KCNH8: variants seen among roughly 807,000 people sequenced by gnomAD.
The protein encoded by KCNH8 is voltage-gated delayed rectifier potassium channel KCNH8.
A neutral mutation model predicts 103.6 loss-of-function variants in KCNH8; 70 were observed. The ratio of observed to expected loss-of-function variants is 0.68; its 90% CI spans 0.56 to 0.82. The LOEUF is 0.82. Among genes scored for constraint, KCNH8 ranks in the 40% least tolerant of loss-of-function variants. The pLI is 0.00. For synonymous variants in KCNH8, 498 were observed against 489.4 expected, an observed-to-expected ratio of 1.02 and a Z score of -0.23; for missense variants, 1,217 against 1,329.9, an observed-to-expected ratio of 0.92 and a Z score of 1.32.
chr3:19,170,677 C>CATATAT (rs2063334946), intron 1 of KCNH8, among the ~76,000 whole-genome samples: 1 of 144,048 alleles, frequency 6.9e-6, no homozygotes, highest in African/African-American at 2.7e-5. Context: ...TATATATACA[C>CATATAT]ACACACATAT....
intron 2 of KCNH8, among the ~76,000 whole-genome samples, chr3:19,277,595 C>T (rs1360730419): frequency 1.3e-5 from 2 of 152,000 alleles, no homozygotes; most frequent in Non-Finnish European, 2.9e-5. Flanking sequence ...GTATGTTTTA[C>T]CTCAATAAAA....
rs1559470242 is a variant in KCNH8 at position 19,308,765 on chromosome 3, TCTCC to T, written c.442+27444_442+27447del. 1.6e-3 allele frequency among the ~76,000 whole-genome samples: 138 copies of T among 86,990 alleles called. 25 individuals are homozygous for T. The highest frequency in any genetic ancestry group is 1.9e-3 in the African/African-American group (28 of 15,086). 57.1% of individuals were successfully genotyped at this position (86,990 alleles called of 152,430 possible). A position where few individuals can be genotyped will look rare whatever the true frequency, so the allele number is the denominator to read the frequency against. ...CTCTCCCTCTCTCCCTCTCTCCCTC[TCTCC>T]CTCCCTCTCTCTCTCTCCCTCTCTC... is the stretch of plus-strand genomic sequence containing the variant. On this transcript the variant is annotated intron_variant, in intron 3 of 15. Coordinates refer to ENST00000328405, the MANE Select transcript of KCNH8 (RefSeq NM_144633.3).
chr3:19,271,928 C>A (rs534992879), intron 2 of KCNH8, among the ~76,000 whole-genome samples: 3 of 152,012 alleles, frequency 2.0e-5, no homozygotes, highest in Non-Finnish European at 2.9e-5. Context: ...TTGTTCTGAT[C>A]ATCTTAAGCA....
chr3:19,473,161 T>A (rs1215069954), intron 11 of KCNH8, among the ~76,000 whole-genome samples: 1 of 152,188 alleles, frequency 6.6e-6, no homozygotes, highest in African/African-American at 2.4e-5. Context: ...CCTAATACAT[T>A]TGTCCACTAA....
At chr3:19,193,934 G>A (rs1236230930) in intron 1 of KCNH8, among the ~76,000 whole-genome samples, 1 of 151,674 alleles carries the variant, frequency 6.6e-6, no homozygotes, top group Non-Finnish European at 1.5e-5. Context: ...ATAAATATAA[G>A]TTGCTATTAT....
chr3:19,198,991 G>C (rs2063630106), intron 1 of KCNH8, among the ~76,000 whole-genome samples: 1 of 152,032 alleles, frequency 6.6e-6, no homozygotes, highest in African/African-American at 2.4e-5. Context: ...GGCGTCAGGT[G>C]AACAGATGAT....
At chr3:19,434,138 A>G (rs2067162286) in intron 7 of KCNH8, among the ~76,000 whole-genome samples, 1 of 152,200 alleles carries the variant, frequency 6.6e-6, no homozygotes, top group Admixed American at 6.5e-5. Context: ...TCTCAAAACA[A>G]AAAGTGTTTT....
chr3:19,309,812 G>T (rs867045551), intron 3 of KCNH8, among the ~76,000 whole-genome samples: 1 of 151,890 alleles, frequency 6.6e-6, no homozygotes, highest in Non-Finnish European at 1.5e-5. Context: ...ACCACTTAAC[G>T]TAATAGTTGA....
intron 13 of KCNH8, among the ~76,000 whole-genome samples, chr3:19,513,979 A>C (rs2068830901): frequency 6.6e-6 from 1 of 151,970 alleles, no homozygotes; most frequent in Non-Finnish European, 1.5e-5. Flanking sequence ...CTGAATAATA[A>C]TAAATAAAAG....
intron 5 of KCNH8, among the ~76,000 whole-genome samples, chr3:19,362,833 G>GT (rs984594605): frequency 6.6e-6 from 1 of 151,822 alleles, no homozygotes; most frequent in Non-Finnish European, 1.5e-5. Flanking sequence ...TAATTTTGTT[G>GT]TTTTTTTGTA....
intron 7 of KCNH8, among the ~76,000 whole-genome samples, chr3:19,429,897 T>G (rs1575057904): frequency 1.3e-5 from 2 of 152,214 alleles, no homozygotes; most frequent in East Asian, 3.9e-4. Flanking sequence ...AGACTTGATC[T>G]TGTTTTTTTA....
At chr3:19,418,793 AC>A (rs1298943508) in intron 7 of KCNH8, among the ~76,000 whole-genome samples, 1 of 152,230 alleles carries the variant, frequency 6.6e-6, no homozygotes, top group Non-Finnish European at 1.5e-5. Context: ...GATTTTCTTC[AC>A]AATCTTTGTC....
At chr3:19,152,604 ACTTCTATATAGC>A (rs1448731205) in intron 1 of KCNH8, among the ~76,000 whole-genome samples, 1 of 152,220 alleles carries the variant, frequency 6.6e-6, no homozygotes, top group Non-Finnish European at 1.5e-5. Flanking sequence ...TATTTTATGC[ACTTCTATATAGC>A]CTGTTTGAAA....
intron 1 of KCNH8, among the ~76,000 whole-genome samples, chr3:19,203,281 C>T (rs898179943): frequency 6.6e-6 from 1 of 151,918 alleles, no homozygotes; most frequent in Admixed American, 6.6e-5. Context: ...ATATTTGAAG[C>T]ACTTAAATTT....
chr3:19,181,724 C>T (rs1166099613), intron 1 of KCNH8, among the ~76,000 whole-genome samples: 2 of 152,176 alleles, frequency 1.3e-5, no homozygotes, highest in Non-Finnish European at 2.9e-5. Flanking sequence ...AGTTTGTCCT[C>T]ATTGTCCCCT....
chr3:19,152,795 G>C (rs1293163081), intron 1 of KCNH8, among the ~76,000 whole-genome samples: 1 of 152,128 alleles, frequency 6.6e-6, no homozygotes, highest in East Asian at 1.9e-4. Flanking sequence ...AATTAGCCGG[G>C]TGTGGCGGCA....
intron 3 of KCNH8, among the ~76,000 whole-genome samples, chr3:19,318,811 G>T (rs953276889): frequency 9.2e-5 from 14 of 151,440 alleles, no homozygotes; most frequent in Non-Finnish European, 1.6e-4. Flanking sequence ...CTATGCCAAC[G>T]TCTATTACTT....
intron 1 of KCNH8, among the ~76,000 whole-genome samples, chr3:19,247,888 A>G (rs1200435397): frequency 6.6e-6 from 1 of 152,156 alleles, no homozygotes; most frequent in Non-Finnish European, 1.5e-5. Flanking sequence ...TGAGGCTACA[A>G]AGGGAGAATG....
At chr3:19,360,763 T>C (rs1307140816) in intron 5 of KCNH8, among the ~76,000 whole-genome samples, 2 of 152,072 alleles carry the variant, frequency 1.3e-5, no homozygotes, top group Non-Finnish European at 2.9e-5. Context: ...ATTTCTTGTG[T>C]ATTTCAATTC....
Sources: allele counts gnomAD v4.1 joint callset (sites outside exome capture counted in the v4.1 genomes callset), GRCh38; gene constraint gnomAD v4.1.1; transcripts MANE v1.5; gene names NCBI Gene and HGNC (gene_info 2026-07-23, HGNC 2026-07-21).